Variants in CDK5RAP2 observed in about 807,000 individuals in gnomAD.
CDK5RAP2 encodes the protein CDK5 regulatory subunit-associated protein 2.
A neutral mutation model predicts 232.9 loss-of-function variants in CDK5RAP2; 147 were observed. The ratio of observed to expected loss-of-function variants is 0.63; its 90% CI spans 0.55 to 0.72. CDK5RAP2 has a LOEUF of 0.72. Among genes scored for constraint, CDK5RAP2 ranks in the 30% least tolerant of loss-of-function variants. The probability of loss-of-function intolerance (pLI) is 0.00; values close to 1 mark genes in which losing one functional copy is unlikely to be tolerated. For missense variants in CDK5RAP2, 2,195 were observed against 2,231.5 expected (o/e 0.98, Z 0.33); for synonymous variants, 833 against 833.7 (o/e 1.00, Z 0.01).
rs1441502007 is a variant in CDK5RAP2, at chr9:120,579,920, C to T, written c.59G>A (p.Ser20Asn). 1.9e-6 allele frequency: 3 copies of T among 1,612,374 alleles called. No individual in the cohort carries two copies. Among genetic ancestry groups the T allele is most frequent in the Non-Finnish European group, 2.5e-6 (3 of 1,178,462 alleles). ...VTVPGTLSGC[S>N]GLVPSVPDDL... Reference sequence around the variant, plus strand: ...ACGACCACCAATGCCCCGGCCGCACCTGCAGCCGCTGAGCGTCCCAGGGAC... The same window carrying T: ...ACGACCACCAATGCCCCGGCCGCACTTGCAGCCGCTGAGCGTCCCAGGGAC... The change falls in exon 1 of 38, where the codon AGT becomes AAT. Residue 20 changes from serine to asparagine, a missense_variant and splice_region_variant. Physicochemically the swap from Ser to Asn is conservative, Grantham distance 46. Coordinates refer to ENST00000349780, the MANE Select transcript of CDK5RAP2 (RefSeq NM_018249.6).
intron 7 of CDK5RAP2, among the ~76,000 whole-genome samples, chr9:120,535,446 G>A (rs1588596397): frequency 6.6e-6 from 1 of 152,240 alleles, no homozygotes; most frequent in East Asian, 1.9e-4. Context: ...AGTCAGTGCA[G>A]AGGGCAGGCA....
intron 12 of CDK5RAP2, among the ~76,000 whole-genome samples, chr9:120,518,218 A>ACT (rs2040447128): frequency 7.7e-6 from 1 of 130,358 alleles, no homozygotes; most frequent in African/African-American, 3.3e-5. Flanking sequence ...TGTGAGAGAG[A>ACT]GAGAGAGAGA....
In CDK5RAP2 at chr9:120,422,743, T is replaced by C; in HGVS notation, c.3956-2A>G. On this transcript the variant is annotated splice_acceptor_variant, in intron 25 of 37. Transcript: ENST00000349780. LOFTEE classifies it high-confidence loss of function. ...TCATTTCCACTCCAACTGATTTTCC[T>C]GGAAGCAGAAATAACATCAAGAAAG... 1 of 1,611,356 alleles carries C rather than the reference T, an allele frequency of 6.2e-7. No homozygotes were observed. Among genetic ancestry groups the C allele is most frequent in the Non-Finnish European group, 8.5e-7 (1 of 1,177,536 alleles).
chr9:120,458,565 A>C lies in CDK5RAP2; in HGVS notation c.2260T>G (p.Ser754Ala), dbSNP rs2036912493. The change falls in exon 20 of 38, where the codon TCT (serine) becomes GCT (alanine). Residue 754 changes from serine (S) to alanine (A), a missense_variant. Physicochemically the swap from Ser to Ala is moderately conservative, Grantham distance 99 (BLOSUM62 1). Transcript: ENST00000349780. ...CKNGYLRHTE[S>A]KISDCDGAHA... ...GCCCCATCACAATCTGAAATCTTAG[A>C]CTCCGTGTGCCTTAAGTATCCATTT... 2 of 1,613,830 alleles carry C rather than the reference A, an allele frequency of 1.2e-6. No homozygotes were observed. Among genetic ancestry groups the C allele is most frequent in the Non-Finnish European group, 8.5e-7 (1 of 1,179,984 alleles).
intron 8 of CDK5RAP2, among the ~76,000 whole-genome samples, chr9:120,529,469 G>A (rs568773690): frequency 3.6e-4 from 55 of 152,302 alleles, no homozygotes; most frequent in African/African-American, 1.2e-3. Flanking sequence ...GTTTCTAAAC[G>A]TGACAAGGAG....
intron 17 of CDK5RAP2, among the ~76,000 whole-genome samples, chr9:120,469,193 G>C (rs1029754218): frequency 3.3e-5 from 5 of 152,048 alleles, no homozygotes; most frequent in Admixed American, 6.6e-5. Flanking sequence ...CCTTAAACAG[G>C]CTGTTTTCTC....
chr9:120,520,474 CT>C (rs2040566683), intron 11 of CDK5RAP2, among the ~76,000 whole-genome samples: 1 of 152,156 alleles, frequency 6.6e-6, no homozygotes, highest in Non-Finnish European at 1.5e-5. Context: ...AAACCCCCAT[CT>C]CTACCAAAAA....
In CDK5RAP2 at chr9:120,519,052, G is replaced by A. The variant is rs148073267; in HGVS notation, c.1093-407C>T. Among the ~76,000 whole-genome samples the A allele has an allele frequency of 1.1e-3, 160 of 152,084 alleles. 3 individuals carry two copies. The East Asian group carries it at 0.029, about 28-fold the overall frequency. Reference sequence around the variant, plus strand: ...TAGCCAGGCGTGGAGGTGGGTGCCTGTAGTCCCAGCTACTCGGGAAGGCTG... The same window carrying A: ...TAGCCAGGCGTGGAGGTGGGTGCCTATAGTCCCAGCTACTCGGGAAGGCTG... On this transcript the variant is annotated intron_variant, in intron 11 of 37. Coordinates refer to ENST00000349780, the MANE Select transcript of CDK5RAP2 (RefSeq NM_018249.6).
chr9:120,538,970 A>G, intron 6 of CDK5RAP2, 71 bp downstream of exon 6: 11 of 1,534,722 alleles, frequency 7.2e-6, no homozygotes, highest in Middle Eastern at 1.7e-4. Flanking sequence ...ATAAAAAAAG[A>G]AACAAAACTG....
At chr9:120,501,691 G>A (rs1208774673) in intron 12 of CDK5RAP2, among the ~76,000 whole-genome samples, 6 of 152,004 alleles carry the variant, frequency 3.9e-5, no homozygotes, top group East Asian at 1.9e-4. Context: ...AGCCATCCCC[G>A]ACAAGGTACC....
At position 120,402,818 on chromosome 9, in the gene CDK5RAP2, C is replaced by A. The variant is rs199918999; in HGVS notation, c.5295G>T (p.Glu1765Asp). 1 of 1,613,906 alleles carries A rather than the reference C, an allele frequency of 6.2e-7. No homozygotes were observed. Among genetic ancestry groups the A allele is most frequent in the Admixed American group, 1.7e-5 (1 of 60,004 alleles). The change falls in exon 34 of 38, where the codon GAG becomes GAT. Residue 1765 changes from glutamate to aspartate, a missense_variant. By Grantham distance (45) the Glu-to-Asp change is conservative. Coordinates refer to ENST00000349780, the MANE Select transcript of CDK5RAP2 (RefSeq NM_018249.6). ...GTGGTCAGGTTACCTTTGTTCCCAG[C>A]TCTTGACTTGTGGAGCTGGGAGCCT... ...TQEAPSSTSQ[E>D]LGTKGPHPAP...
rs189668938 is a variant in CDK5RAP2 at position 120,393,032 on chromosome 9, T to C, written c.5578+1480A>G. ...ACTCATCTCTCAGAGGAAAACCCTT[T>C]GCACGTCCTAAGCATGTCCCTGAGC... On this transcript the variant is annotated intron_variant, in intron 36 of 37. Transcript: ENST00000349780. Among the ~76,000 whole-genome samples, 642 of 152,326 alleles carry C rather than the reference T, an allele frequency of 4.2e-3. 5 individuals carry two copies. The highest frequency in any genetic ancestry group is 7.1e-3 in the Non-Finnish European group (484 of 68,032).
intron 28 of CDK5RAP2, among the ~76,000 whole-genome samples, chr9:120,412,034 G>A (rs773912921): frequency 3.9e-5 from 6 of 152,188 alleles, no homozygotes; most frequent in Middle Eastern, 3.4e-3. Flanking sequence ...ACTCTTTTCC[G>A]TCCTAAAGTT....
rs1162637857 is a variant in CDK5RAP2 at position 120,453,460 on chromosome 9, T to C, written c.2789A>G (p.Asn930Ser). ...AALLSLPGIT[N>S]REAKKSRLPI... ...TTATTACATGGAAAAACTTACTCTG[T>C]TGGTAATACCAGGGAGGGAAAGGAG... Residue 930 changes from asparagine to serine, a missense_variant, in exon 21 of 38, where the codon AAC (asparagine) becomes AGC (serine). Physicochemically the swap from Asn to Ser is conservative, Grantham distance 46. Transcript: ENST00000349780. The C allele has an allele frequency of 4.4e-6, 7 of 1,608,164 alleles. No individual in the cohort carries two copies.
intron 12 of CDK5RAP2, chr9:120,517,851 G>A: frequency 2.6e-6 from 1 of 386,672 alleles, no homozygotes. Context: ...CTTGAGCCCA[G>A]GAGTTCAGGA....
intron 15 of CDK5RAP2, 96 bp downstream of exon 15, chr9:120,477,254 A>C: frequency 1.8e-5 from 17 of 953,494 alleles, no homozygotes; most frequent in Non-Finnish European, 2.5e-5. Context: ...TTGCTGCCTT[A>C]GAGATCAGCA....
At chr9:120,439,275 C>G in intron 24 of CDK5RAP2, 124 bp downstream of exon 24, 1 of 907,646 alleles carries the variant, frequency 1.1e-6, no homozygotes, top group Non-Finnish European at 1.8e-6. Flanking sequence ...CACCATCAAG[C>G]CTTCCCCAGA....
rs2490594 is a variant in CDK5RAP2, at chr9:120,487,466, A to C, written c.1483-29T>G. On this transcript the variant is annotated intron_variant, in intron 13 of 37. Transcript: ENST00000349780. ...ATGAAATAAAACAAATTCTAAGGAA[A>C]TTGTCATCAAGAAAAAAAATATTAA... is the stretch of plus-strand genomic sequence containing the variant. 145,992 of 1,536,924 alleles carry C rather than the reference A, an allele frequency of 0.095. 11,072 individuals carry two copies. Among genetic ancestry groups the C allele is most frequent in the African/African-American group, 0.35 (25,538 of 71,960 alleles).
chr9:120,422,871 A>G (rs2034653940), intron 25 of CDK5RAP2, 130 bp from the exon 26 acceptor site: 7 of 722,568 alleles, frequency 9.7e-6, no homozygotes, highest in Non-Finnish European at 1.7e-5. Context: ...AATCCTGGAT[A>G]TTTAAAGTAG....
Sources: allele counts gnomAD v4.1 joint callset (sites outside exome capture counted in the v4.1 genomes callset), GRCh38; gene constraint gnomAD v4.1.1; transcripts MANE v1.5; gene names NCBI Gene and HGNC (gene_info 2026-07-23, HGNC 2026-07-21).